TMEM108: variants seen among roughly 807,000 people sequenced by gnomAD.
The protein encoded by TMEM108 is transmembrane protein 108, also known as cancer/testis antigen 124.
Under a neutral mutation model 35.1 loss-of-function variants are expected in TMEM108, and 12 were observed. That is an observed-to-expected ratio of 0.34 (90% CI 0.22 to 0.55). TMEM108 has a LOEUF of 0.55. TMEM108 is among the 20% of genes least tolerant of loss of function. The pLI, the probability that TMEM108 is intolerant of heterozygous loss-of-function variation, is 0.89. For synonymous variants in TMEM108, 287 were observed against 308.6 expected (o/e 0.93, Z 0.73); for missense variants, 680 against 753.3 (o/e 0.90, Z 1.14).
intron 2 of TMEM108, among the ~76,000 whole-genome samples, chr3:133,183,287 T>C (rs955980044): frequency 2.0e-5 from 3 of 152,188 alleles, no homozygotes; most frequent in Non-Finnish European, 2.9e-5. Flanking sequence ...ATGAAACCAA[T>C]ACATTTCCCT....
At chr3:133,308,744 G>A (rs970323172) in intron 3 of TMEM108, among the ~76,000 whole-genome samples, 4 of 152,212 alleles carry the variant, frequency 2.6e-5, no homozygotes, top group Admixed American at 2.0e-4. Flanking sequence ...TTTTCGATGT[G>A]CTGCTGGATT....
chr3:133,157,908 G>C (rs1246423314), intron 2 of TMEM108, among the ~76,000 whole-genome samples: 1 of 152,132 alleles, frequency 6.6e-6, no homozygotes, highest in Admixed American at 6.6e-5. Flanking sequence ...TGAAAGGCTG[G>C]TTAGTGCTAG....
At chr3:133,366,384 G>A (rs1286470047) in intron 3 of TMEM108, among the ~76,000 whole-genome samples, 1 of 152,194 alleles carries the variant, frequency 6.6e-6, no homozygotes, top group African/African-American at 2.4e-5. Context: ...ATAAATGTTT[G>A]TTGAATATGT....
chr3:133,388,269 C>G, intron 4 of TMEM108: 2 of 985,248 alleles, frequency 2.0e-6, no homozygotes, highest in Non-Finnish European at 2.4e-6. Flanking sequence ...CAATGAAGAA[C>G]AGAGACACCA....
At chr3:133,170,143 T>C (rs1366690203) in intron 2 of TMEM108, among the ~76,000 whole-genome samples, 20 of 152,194 alleles carry the variant, frequency 1.3e-4, no homozygotes. Context: ...TTGTAAAGAA[T>C]AGTAATGTGT....
chr3:133,286,760 C>T (rs1044365907), intron 3 of TMEM108, among the ~76,000 whole-genome samples: 3 of 152,132 alleles, frequency 2.0e-5, no homozygotes, highest in Admixed American at 6.5e-5. Flanking sequence ...ATATCTGGGC[C>T]GTTGGCCACT....
At chr3:133,133,727 A>C (rs1445359732) in intron 2 of TMEM108, among the ~76,000 whole-genome samples, 2 of 126,992 alleles carry the variant, frequency 1.6e-5, no homozygotes, top group Non-Finnish European at 3.2e-5. Context: ...GTCTCGCTGT[A>C]TCACCCAGGA....
intron 2 of TMEM108, among the ~76,000 whole-genome samples, chr3:133,205,937 A>G (rs1025929873): frequency 6.6e-6 from 1 of 152,216 alleles, no homozygotes; most frequent in East Asian, 1.9e-4. Flanking sequence ...AGGTACACCA[A>G]TCAAATATAG....
intron 2 of TMEM108, among the ~76,000 whole-genome samples, chr3:133,211,561 C>A (rs1021334408): frequency 6.6e-5 from 10 of 152,154 alleles, no homozygotes; most frequent in African/African-American, 2.2e-4. Context: ...AAGTATGATA[C>A]GTATTCTTCA....
intron 2 of TMEM108, among the ~76,000 whole-genome samples, chr3:133,173,839 G>C (rs972332909): frequency 9.2e-5 from 14 of 152,212 alleles, no homozygotes; most frequent in African/African-American, 3.1e-4. Context: ...GTGCTGGACA[G>C]TGGGTGCAGT....
chr3:133,156,427 C>T (rs1944882997), intron 2 of TMEM108, among the ~76,000 whole-genome samples: 1 of 152,172 alleles, frequency 6.6e-6, no homozygotes, highest in African/African-American at 2.4e-5. Context: ...TTAGAATGTA[C>T]TTCAAACTAT....
chr3:133,243,516 T>A (rs1182008262), intron 3 of TMEM108, among the ~76,000 whole-genome samples: 1 of 129,852 alleles, frequency 7.7e-6, no homozygotes, highest in Non-Finnish European at 1.6e-5. Flanking sequence ...TTCATGTCTT[T>A]TTTTCTGGGG....
chr3:133,096,063 T>C (rs888557601), intron 2 of TMEM108, among the ~76,000 whole-genome samples: 4 of 152,118 alleles, frequency 2.6e-5, no homozygotes, highest in African/African-American at 9.7e-5. Context: ...AAAATGATAA[T>C]TGGGTCATCT....
At chr3:133,362,779 G>C (rs1226641339) in intron 3 of TMEM108, among the ~76,000 whole-genome samples, 2 of 152,134 alleles carry the variant, frequency 1.3e-5, no homozygotes, top group Non-Finnish European at 2.9e-5. Context: ...CACTCTCTCT[G>C]AACCTGGGTT....
At chr3:133,244,742 A>G (rs989585390) in intron 3 of TMEM108, among the ~76,000 whole-genome samples, 1 of 152,236 alleles carries the variant, frequency 6.6e-6, no homozygotes, top group African/African-American at 2.4e-5. Context: ...TACTTCGAAA[A>G]CGTAAAGTTC....
intron 4 of TMEM108, chr3:133,388,277 C>A: frequency 1.0e-6 from 1 of 984,966 alleles, no homozygotes; most frequent in Non-Finnish European, 1.2e-6. Flanking sequence ...AACAGAGACA[C>A]CAGAGAAGGG....
chr3:133,130,295 A>G (rs1288959375), intron 2 of TMEM108, among the ~76,000 whole-genome samples: 2 of 152,156 alleles, frequency 1.3e-5, no homozygotes, highest in Non-Finnish European at 2.9e-5. Context: ...GTCAGCAACA[A>G]CCATGTGTAT....
rs759077552 is a variant in TMEM108 at position 133,390,214 on chromosome 3, G to T, written c.1485G>T (p.Lys495Asn). Residue 495 changes from lysine (K) to asparagine (N), a missense_variant, in exon 5 of 6, where the codon AAG becomes AAT. Physicochemically the swap from Lys to Asn is moderately conservative, Grantham distance 94. Transcript: ENST00000321871. The stretch of plus-strand genomic sequence containing the variant: ...TGACGGTGTGCTGCATGAAGAGGAA[G>T]AAGAAGACCGCCAACCCGGAGAACA... Reference protein sequence around the residue: ...VLLTVCCMKRKKKTANPENNL... With the variant: ...VLLTVCCMKRNKKTANPENNL... 1 of 1,614,168 alleles carries T rather than the reference G, an allele frequency of 6.2e-7. No individual in the cohort carries two copies. Among genetic ancestry groups the T allele is most frequent in the Non-Finnish European group, 8.5e-7 (1 of 1,180,018 alleles).
chr3:133,258,688 C>G (rs1339352501), intron 3 of TMEM108, among the ~76,000 whole-genome samples: 1 of 143,416 alleles, frequency 7.0e-6, no homozygotes, highest in Non-Finnish European at 1.6e-5. Context: ...ACTGTATCCA[C>G]TCTGACTCAG....
Sources: allele counts gnomAD v4.1 joint callset (sites outside exome capture counted in the v4.1 genomes callset), GRCh38; gene constraint gnomAD v4.1.1; transcripts MANE v1.5; gene names NCBI Gene and HGNC (gene_info 2026-07-23, HGNC 2026-07-21).